RPTOR: variants seen among roughly 807,000 people sequenced by gnomAD.
The protein encoded by RPTOR is regulatory associated protein of MTOR complex 1.
In RPTOR, 21 loss-of-function variants were observed where a neutral mutation model predicts 169.9. The ratio of observed to expected loss-of-function variants is 0.12; its 90% CI spans 0.09 to 0.18. The LOEUF is 0.18. Ranked by LOEUF, RPTOR falls within the 10% of genes least tolerant of loss-of-function variation. The pLI, the probability that RPTOR is intolerant of heterozygous loss-of-function variation, is 1.00. For synonymous variants in RPTOR, 732 were observed against 753.2 expected, an observed-to-expected ratio of 0.97 and a Z score of 0.46; for missense variants, 1,133 against 1,855.9, an observed-to-expected ratio of 0.61 and a Z score of 7.16.
intron 24 of RPTOR, among the ~76,000 whole-genome samples, chr17:80,929,931 A>C (rs2068854834): frequency 6.6e-6 from 1 of 152,014 alleles, no homozygotes; most frequent in Non-Finnish European, 1.5e-5. Context: ...CTTTATATAA[A>C]CCTGCAGCAG....
At chr17:80,907,504 A>T (rs1259205038) in intron 20 of RPTOR, among the ~76,000 whole-genome samples, 1 of 152,210 alleles carries the variant, frequency 6.6e-6, no homozygotes, top group Non-Finnish European at 1.5e-5. Flanking sequence ...CTCTACCAGG[A>T]TTGCTGCTTC....
intron 13 of RPTOR, among the ~76,000 whole-genome samples, chr17:80,864,108 G>T (rs1373392924): frequency 1.3e-5 from 2 of 152,074 alleles, no homozygotes; most frequent in Non-Finnish European, 2.9e-5. Flanking sequence ...ACATTTTTTT[G>T]AATTTGATGA....
At chr17:80,870,379 T>C (rs968089872) in intron 13 of RPTOR, among the ~76,000 whole-genome samples, 1 of 152,332 alleles carries the variant, frequency 6.6e-6, no homozygotes, top group Admixed American at 6.5e-5. Context: ...AGCCCCCACG[T>C]CTGTGCTGGT....
At position 80,562,073 on chromosome 17, in the gene RPTOR, G is replaced by A. The variant is rs1428090345; in HGVS notation, c.162+16282G>A. Among the ~76,000 whole-genome samples, 1 of 151,940 alleles carries A rather than the reference G, an allele frequency of 6.6e-6. No individual in the cohort carries two copies. Among genetic ancestry groups the A allele is most frequent in the East Asian group, 1.9e-4 (1 of 5,182 alleles). ...GGGGTGGGGAGTCTCTTGAGGGTAG[G>A]AGGAGATGAGGGTCTGGTGGCGGCT... On this transcript the variant is annotated intron_variant, in intron 1 of 33. Transcript: ENST00000306801. The surrounding 1 kb of genome is among the most constrained non-coding windows in gnomAD (Gnocchi z 4.4).
chr17:80,852,161 A>G (rs2067799979), intron 11 of RPTOR, among the ~76,000 whole-genome samples: 2 of 152,216 alleles, frequency 1.3e-5, no homozygotes, highest in Non-Finnish European at 2.9e-5. Flanking sequence ...CTTGGTGCAC[A>G]CAGCTTTGTG....
chr17:80,819,100 A>T (rs1379835394), intron 7 of RPTOR, among the ~76,000 whole-genome samples: 2 of 152,064 alleles, frequency 1.3e-5, no homozygotes, highest in Admixed American at 1.3e-4. Flanking sequence ...TGGTCCCTGC[A>T]CTTCTTCCGG....
At chr17:80,924,678 G>A (rs1567990093) in intron 23 of RPTOR, among the ~76,000 whole-genome samples, 1 of 151,874 alleles carries the variant, frequency 6.6e-6, no homozygotes. Context: ...GGGTGGGGGG[G>A]ATGCACCTCT....
intron 1 of RPTOR, among the ~76,000 whole-genome samples, chr17:80,608,718 C>G (rs140449893): frequency 2.0e-5 from 3 of 152,326 alleles, no homozygotes; most frequent in South Asian, 2.1e-4. Context: ...CACTTTCCCC[C>G]CTTCTTGGTG....
rs532769677 is a variant in RPTOR, at chr17:80,701,910, C to T, written c.349-5931C>T. ...CTCCTCTTCCCAGGTGGCCGTCTCTCCTTGATCCACACCAGCGGCAGTTTG... is the reference window on the plus strand; with the variant it reads ...CTCCTCTTCCCAGGTGGCCGTCTCTTCTTGATCCACACCAGCGGCAGTTTG... On this transcript the variant is annotated intron_variant, in intron 3 of 33. Transcript: ENST00000306801. 5.3e-5 allele frequency among the ~76,000 whole-genome samples: 8 copies of T among 152,234 alleles called. No individual in the cohort carries two copies. In the South Asian group the frequency reaches 8.3e-4, roughly 16 times the overall value.
At chr17:80,682,298 G>A (rs2065905511) in intron 3 of RPTOR, among the ~76,000 whole-genome samples, 1 of 152,044 alleles carries the variant, frequency 6.6e-6, no homozygotes, top group Admixed American at 6.6e-5. Context: ...AAAGTCAGGG[G>A]TCTCCCTATG....
chr17:80,649,909 C>G (rs978296601), intron 3 of RPTOR, among the ~76,000 whole-genome samples: 1 of 152,184 alleles, frequency 6.6e-6, no homozygotes, highest in African/African-American at 2.4e-5. Flanking sequence ...CCTGCCTTGC[C>G]CTGTCCCCAG....
At chr17:80,586,593 A>G (rs1317077244) in intron 1 of RPTOR, among the ~76,000 whole-genome samples, 1 of 152,192 alleles carries the variant, frequency 6.6e-6, no homozygotes, top group Non-Finnish European at 1.5e-5. Context: ...GGGTCCGGGC[A>G]TGGCAGCCCT....
chr17:80,711,360 A>G (rs1395141068), intron 4 of RPTOR, among the ~76,000 whole-genome samples: 2 of 145,740 alleles, frequency 1.4e-5, no homozygotes, highest in African/African-American at 5.1e-5. Context: ...CCTGTTGCCA[A>G]TTTGACACTT....
At chr17:80,874,951 GT>G (rs1383976146) in intron 13 of RPTOR, among the ~76,000 whole-genome samples, 9 of 152,226 alleles carry the variant, frequency 5.9e-5, no homozygotes, top group Admixed American at 5.2e-4. Context: ...GATTGTCTCT[GT>G]GTTCACGTCA....
chr17:80,785,217 C>T (rs149228460), intron 6 of RPTOR, among the ~76,000 whole-genome samples: 75 of 152,228 alleles, frequency 4.9e-4, no homozygotes, highest in African/African-American at 1.5e-3. Flanking sequence ...CTCTCTGTCC[C>T]GCTCATTACA....
chr17:80,549,390 A>T (rs1192821148), intron 1 of RPTOR, among the ~76,000 whole-genome samples: 1 of 151,906 alleles, frequency 6.6e-6, no homozygotes, highest in Non-Finnish European at 1.5e-5. Context: ...GCTCACTGCA[A>T]CCTCCGCCTC....
chr17:80,866,826 C>G (rs2067997956), intron 13 of RPTOR, among the ~76,000 whole-genome samples: 1 of 152,166 alleles, frequency 6.6e-6, no homozygotes, highest in African/African-American at 2.4e-5. Flanking sequence ...GCGATGCTTC[C>G]ACCTTGGCCT....
In RPTOR at chr17:80,545,511, T is replaced by C. The variant is rs2084263278; in HGVS notation, c.-119T>C. The stretch of plus-strand genomic sequence containing the variant: ...AAGGGTCTCCGCACTCTTTATCCAT[T>C]TGGTTTTCGATTTCCCGTTTTTGTT... On this transcript the variant is annotated 5_prime_UTR_variant, in exon 1 of 34. Coordinates refer to ENST00000306801, the MANE Select transcript of RPTOR (RefSeq NM_020761.3). 2.6e-6 allele frequency: 2 copies of C among 761,040 alleles called. No individual in the cohort carries two copies. Among genetic ancestry groups the C allele is most frequent in the Non-Finnish European group, 4.3e-6 (2 of 460,300 alleles). 47.1% of individuals were successfully genotyped at this position (761,040 alleles called of 1,614,324 possible).
intron 1 of RPTOR, among the ~76,000 whole-genome samples, chr17:80,617,028 GA>G (rs1238317980): frequency 1.3e-5 from 2 of 152,068 alleles, no homozygotes; most frequent in Non-Finnish European, 2.9e-5. Context: ...GCACAACCAT[GA>G]AAAAAATTTT....
Sources: gnomAD v4.1 joint callset for allele counts (sites outside exome capture counted in the v4.1 genomes callset) on GRCh38, gnomAD v4.1.1 for gene constraint, Gnocchi (gnomAD v3.1) non-coding constraint, MANE v1.5 for transcripts, NCBI Gene and HGNC (gene_info 2026-07-23, HGNC 2026-07-21) for gene names.